Variants in RBFOX1 observed in about 807,000 individuals in gnomAD.
RBFOX1 encodes the protein RNA binding protein fox-1 homolog 1.
A neutral mutation model predicts 57.7 loss-of-function variants in RBFOX1; 8 were observed. The observed-to-expected ratio is 0.14, with a 90% CI of 0.08 to 0.25. The LOEUF (loss-of-function observed/expected upper bound fraction) is 0.25, where lower values mean the gene tolerates loss of function less well. Among genes scored for constraint, RBFOX1 ranks in the 10% least tolerant of loss-of-function variants. The pLI, the probability that RBFOX1 is intolerant of heterozygous loss-of-function variation, is 1.00. For synonymous variants in RBFOX1, 326 were observed against 222.4 expected, an observed-to-expected ratio of 1.47 and a Z score of -4.15; for missense variants, 611 against 548.5, an observed-to-expected ratio of 1.11 and a Z score of -1.14.
chr16:7,486,788 A>C (rs1264010939), intron 4 of RBFOX1, among the ~76,000 whole-genome samples: 1 of 152,178 alleles, frequency 6.6e-6, no homozygotes, highest in Non-Finnish European at 1.5e-5. Flanking sequence ...CAAGCTATGC[A>C]ATAGTCAGGG....
intron 2 of RBFOX1, among the ~76,000 whole-genome samples, chr16:6,626,787 GAAA>G (rs2098314265): frequency 6.6e-6 from 1 of 151,616 alleles, no homozygotes; most frequent in Non-Finnish European, 1.5e-5. Flanking sequence ...AAATAAAATA[GAAA>G]TAAAATAAAG....
Position 7,061,874 on chromosome 16 carries a change from C to T in RBFOX1, c.27+9776C>T, listed in dbSNP as rs1265289864. ...AGGAGAAAAAAAAATACGTGATAGGCAAGGGAAATAGGGCAGGAAGCAAAT... is the reference window on the plus strand; with the variant it reads ...AGGAGAAAAAAAAATACGTGATAGGTAAGGGAAATAGGGCAGGAAGCAAAT... On this transcript the variant is annotated intron_variant, in intron 4 of 15. Transcript: ENST00000550418. Among the ~76,000 whole-genome samples, 9 of 152,142 alleles carry T rather than the reference C, an allele frequency of 5.9e-5. No homozygotes were observed. In the South Asian group the frequency reaches 1.9e-3, roughly 32 times the overall value.
intron 3 of RBFOX1, among the ~76,000 whole-genome samples, chr16:5,817,666 A>G (rs1476608397): frequency 6.6e-6 from 1 of 151,064 alleles, no homozygotes; most frequent in East Asian, 2.0e-4. Context: ...AGATGCCGAC[A>G]GGGTGCCTGC....
At chr16:5,408,886 G>T (rs897886285) in intron 1 of RBFOX1, among the ~76,000 whole-genome samples, 2 of 152,210 alleles carry the variant, frequency 1.3e-5, no homozygotes, top group African/African-American at 4.8e-5. Context: ...GTTCCAAGAG[G>T]AGGGTGTTAC....
chr16:5,604,095 AGCATAGT>A (rs563044728), downstream of RBFOX1, among the ~76,000 whole-genome samples: 23 of 152,334 alleles, frequency 1.5e-4, no homozygotes, highest in East Asian at 4.4e-3. Flanking sequence ...CAAGGCAGTA[AGCATAGT>A]GCAGTTAAGT....
intron 2 of RBFOX1, among the ~76,000 whole-genome samples, chr16:6,613,286 C>T (rs887685404): frequency 6.6e-6 from 1 of 151,924 alleles, no homozygotes; most frequent in African/African-American, 2.4e-5. Flanking sequence ...GGTTGGTTTG[C>T]AATAAGGGTA....
chr16:6,030,233 T>C (rs1242310924), intron 1 of RBFOX1, among the ~76,000 whole-genome samples: 1 of 152,226 alleles, frequency 6.6e-6, no homozygotes. Context: ...GATGATATTT[T>C]TGAGGACTCT....
intron 5 of RBFOX1, among the ~76,000 whole-genome samples, chr16:7,541,994 C>A (rs186815608): frequency 6.6e-6 from 1 of 152,136 alleles, no homozygotes; most frequent in Admixed American, 6.6e-5. Flanking sequence ...TGGCCTTGGC[C>A]GGCAGCTGAG....
intron 3 of RBFOX1, among the ~76,000 whole-genome samples, chr16:5,776,967 T>C (rs760703108): frequency 1.6e-4 from 24 of 152,168 alleles, no homozygotes; most frequent in Non-Finnish European, 2.4e-4. Flanking sequence ...TAAATTTAAA[T>C]TTATCTTAAT....
intron 2 of RBFOX1, among the ~76,000 whole-genome samples, chr16:6,398,990 T>G (rs1352490903): frequency 6.6e-6 from 1 of 152,182 alleles, no homozygotes; most frequent in Non-Finnish European, 1.5e-5. Flanking sequence ...ATCTGGGCAT[T>G]TCCACACATC....
In RBFOX1 at chr16:7,395,776, T is replaced by G. The variant is rs148393617; in HGVS notation, c.28-122371T>G. Among the ~76,000 whole-genome samples the G allele has an allele frequency of 5.7e-3, 875 of 152,320 alleles. 7 individuals carry two copies. Among genetic ancestry groups the G allele is most frequent in the Admixed American group, 0.012 (178 of 15,300 alleles). On this transcript the variant is annotated intron_variant, in intron 4 of 15. Coordinates refer to ENST00000550418, the MANE Select transcript of RBFOX1 (RefSeq NM_018723.4). ...TAGCAATCTGCAATAAGTTATGAATTTTGGCGTACATATTTACCCTCAAAG... is the reference window on the plus strand; with the variant it reads ...TAGCAATCTGCAATAAGTTATGAATGTTGGCGTACATATTTACCCTCAAAG...
chr16:7,709,371 G>A, intron 15 of RBFOX1: 1 of 1,137,460 alleles, frequency 8.8e-7, no homozygotes. Flanking sequence ...ACCTAGCAGA[G>A]CACTTACCTT....
chr16:5,917,747 C>G (rs1205349652), intron 4 of RBFOX1, among the ~76,000 whole-genome samples: 1 of 152,324 alleles, frequency 6.6e-6, no homozygotes, highest in South Asian at 2.1e-4. Flanking sequence ...CGTGATCCCT[C>G]AAATGTATTT....
chr16:6,899,648 G>A (rs916377562), intron 3 of RBFOX1, among the ~76,000 whole-genome samples: 4 of 152,176 alleles, frequency 2.6e-5, no homozygotes, highest in Admixed American at 2.0e-4. Flanking sequence ...AAGAATAAAC[G>A]TCCATACCTC....
chr16:7,116,452 C>G (rs1439005986), intron 4 of RBFOX1, among the ~76,000 whole-genome samples: 5 of 152,154 alleles, frequency 3.3e-5, no homozygotes, highest in Non-Finnish European at 4.4e-5. Flanking sequence ...CCATCCCAAA[C>G]TCTCCTCTCA....
chr16:6,418,323 G>A (rs1223442631), intron 2 of RBFOX1, among the ~76,000 whole-genome samples: 2 of 152,042 alleles, frequency 1.3e-5, no homozygotes, highest in African/African-American at 2.4e-5. Flanking sequence ...TTATAGTAAT[G>A]GAGAAAGAAC....
chr16:7,333,451 A>C (rs1468218204), intron 4 of RBFOX1, among the ~76,000 whole-genome samples: 1 of 152,166 alleles, frequency 6.6e-6, no homozygotes, highest in Non-Finnish European at 1.5e-5. Flanking sequence ...TCATGAGGTG[A>C]CTCAGTTAAG....
intron 4 of RBFOX1, among the ~76,000 whole-genome samples, chr16:7,150,143 A>T (rs968880574): frequency 3.3e-5 from 5 of 152,142 alleles, no homozygotes; most frequent in South Asian, 2.1e-4. Context: ...TGGTCTGTTG[A>T]TGTTTCCTAT....
chr16:7,229,726 A>G (rs2093372214), intron 4 of RBFOX1, among the ~76,000 whole-genome samples: 2 of 125,112 alleles, frequency 1.6e-5, no homozygotes, highest in African/African-American at 3.0e-5. Flanking sequence ...GAGAGGAAGC[A>G]AGGGAGGGAG....
Sources: gnomAD v4.1 joint callset for allele counts (sites outside exome capture counted in the v4.1 genomes callset) on GRCh38, gnomAD v4.1.1 for gene constraint, MANE v1.5 for transcripts, NCBI Gene and HGNC (gene_info 2026-07-23, HGNC 2026-07-21) for gene names.